Variants in ATP6V1D observed in about 807,000 individuals in gnomAD.
The protein encoded by ATP6V1D is ATPase H+ transporting V1 subunit D.
In ATP6V1D, 20 loss-of-function variants were observed where a neutral mutation model predicts 39.4. That is an observed-to-expected ratio of 0.51 (90% CI 0.36 to 0.74). The LOEUF is 0.74. Ranked by LOEUF, ATP6V1D falls within the 30% of genes least tolerant of loss-of-function variation. The probability of loss-of-function intolerance (pLI) is 0.00; values close to 1 mark genes in which losing one functional copy is unlikely to be tolerated. For synonymous variants in ATP6V1D, 100 were observed against 100.5 expected (o/e 0.99, Z 0.03); for missense variants, 228 against 291.6 (o/e 0.78, Z 1.59).
At chr14:67,354,642 G>A (rs1303484189) in intron 1 of ATP6V1D, among the ~76,000 whole-genome samples, 2 of 152,176 alleles carry the variant, frequency 1.3e-5, no homozygotes, top group Non-Finnish European at 2.9e-5. Context: ...GGCATGTGCT[G>A]TCTATATAAC....
At chr14:67,352,420 T>C (rs1392239264) in intron 2 of ATP6V1D, among the ~76,000 whole-genome samples, 1 of 148,786 alleles carries the variant, frequency 6.7e-6, no homozygotes, top group Non-Finnish European at 1.5e-5. Flanking sequence ...GAGTAAGACC[T>C]TGCCTCAAAA....
At chr14:67,355,950 T>A (rs1049531169) in intron 1 of ATP6V1D, among the ~76,000 whole-genome samples, 2 of 152,100 alleles carry the variant, frequency 1.3e-5, no homozygotes, top group Admixed American at 6.5e-5. Context: ...TGAGCTGTGA[T>A]CATGCCACTG....
At chr14:67,339,330 A>G (rs957385948) in intron 8 of ATP6V1D, among the ~76,000 whole-genome samples, 1 of 152,124 alleles carries the variant, frequency 6.6e-6, no homozygotes, top group Admixed American at 6.6e-5. Context: ...TTTGAAATCC[A>G]TTCTCGAATG....
chr14:67,339,289 G>A (rs1386128064), intron 8 of ATP6V1D, among the ~76,000 whole-genome samples: 1 of 152,080 alleles, frequency 6.6e-6, no homozygotes, highest in African/African-American at 2.4e-5. Context: ...GAGCCACCGA[G>A]CCCAGCCTAG....
chr14:67,355,581 G>C (rs2085680310), intron 1 of ATP6V1D, among the ~76,000 whole-genome samples: 1 of 151,848 alleles, frequency 6.6e-6, no homozygotes, highest in Non-Finnish European at 1.5e-5. Context: ...TTTAGATTGG[G>C]TGATCAGGAA....
chr14:67,345,691 G>T lies in ATP6V1D; in HGVS notation c.456+77C>A. 3.2e-6 allele frequency: 3 copies of T among 923,578 alleles called. No individual in the cohort carries two copies. The South Asian group carries it at 4.2e-5, about 13-fold the overall frequency. 57.2% of individuals were successfully genotyped at this position (923,578 alleles called of 1,614,324 possible). A position where few individuals can be genotyped will look rare whatever the true frequency, so the allele number is the denominator to read the frequency against. On this transcript the variant is annotated intron_variant, in intron 6 of 8. Transcript: ENST00000216442. ...AAAAGTACAAAGCACAGTATATGCTGACTCAAGACCTGACTCTCCTCCACT... is the reference window on the plus strand; with the variant it reads ...AAAAGTACAAAGCACAGTATATGCTTACTCAAGACCTGACTCTCCTCCACT...
Position 67,345,833 on chromosome 14 carries a change from A to G in ATP6V1D, c.391T>C (p.Leu131=). ...LTGLARGGEQ[L]AKLKRNYAKA... Reference sequence around the variant, plus strand: ...GCATAATTCCTCTTTAATTTAGCCAACTGTTCCCCACCTCTGGCTAAACCA... The same window carrying G: ...GCATAATTCCTCTTTAATTTAGCCAGCTGTTCCCCACCTCTGGCTAAACCA... The change falls in exon 6 of 9, where the codon TTG becomes CTG. Residue 131 remains leucine, a synonymous_variant. Transcript: ENST00000216442. 1.9e-6 allele frequency: 3 copies of G among 1,614,104 alleles called. No individual in the cohort carries two copies. The highest frequency in any genetic ancestry group is 2.5e-6 in the Non-Finnish European group (3 of 1,179,982).
At chr14:67,341,604 G>A (rs2085584481) in intron 7 of ATP6V1D, among the ~76,000 whole-genome samples, 1 of 151,820 alleles carries the variant, frequency 6.6e-6, no homozygotes, top group South Asian at 2.1e-4. Flanking sequence ...TGTCCGGGAG[G>A]TGAGGGGCGC....
At chr14:67,345,957 T>C (rs1274767855) in intron 5 of ATP6V1D, 86 bp from the exon 6 acceptor site, 7 of 824,230 alleles carry the variant, frequency 8.5e-6, no homozygotes, top group African/African-American at 5.2e-5. Context: ...TTCAGAATAA[T>C]AACAAATATG....
intron 7 of ATP6V1D, among the ~76,000 whole-genome samples, chr14:67,341,993 C>T (rs970154452): frequency 8.8e-4 from 134 of 151,598 alleles, no homozygotes; most frequent in African/African-American, 3.0e-3. Flanking sequence ...GCAGCATGCT[C>T]GTTAAGAGTC....
chr14:67,357,269 T>C (rs1159230706), intron 1 of ATP6V1D, among the ~76,000 whole-genome samples: 3 of 152,256 alleles, frequency 2.0e-5, no homozygotes, highest in Admixed American at 1.3e-4. Context: ...TTCTAGCCTA[T>C]GGCTTTTAAA....
At chr14:67,359,619 T>C (rs776114651) in intron 1 of ATP6V1D, 39 bp downstream of exon 1, 2 of 1,613,030 alleles carry the variant, frequency 1.2e-6, no homozygotes, top group Admixed American at 1.7e-5. Context: ...TCCGGGTTCC[T>C]AAACCTGTGA....
chr14:67,345,919 C>T (rs1433918892), intron 5 of ATP6V1D, 48 bp from the exon 6 acceptor site: 1 of 1,218,084 alleles, frequency 8.2e-7, no homozygotes, highest in South Asian at 1.3e-5. Flanking sequence ...AAAATATCTT[C>T]CCTATAAAAT....
chr14:67,347,502 C>CTT (rs71129819), intron 4 of ATP6V1D, 49 bp from the exon 5 acceptor site: 90,999 of 1,088,582 alleles, frequency 0.084, 18 homozygotes, highest in Non-Finnish European at 0.097. Flanking sequence ...TAAGTTCTCT[C>CTT]TTTTTTTTTT....
chr14:67,355,276 A>C (rs748162374), intron 1 of ATP6V1D, among the ~76,000 whole-genome samples: 23 of 151,904 alleles, frequency 1.5e-4, no homozygotes, highest in Non-Finnish European at 1.2e-4. Context: ...GACAAGCTAA[A>C]TTTACACTGA....
At chr14:67,342,734 CATAGTTAATATA>C (rs2085594655) in intron 7 of ATP6V1D, among the ~76,000 whole-genome samples, 1 of 150,658 alleles carries the variant, frequency 6.6e-6, no homozygotes, top group African/African-American at 2.4e-5. Flanking sequence ...TCATATTATA[CATAGTTAATATA>C]ATAGTTAATA....
chr14:67,358,467 C>G (rs1294825786), intron 1 of ATP6V1D, among the ~76,000 whole-genome samples: 1 of 152,098 alleles, frequency 6.6e-6, no homozygotes, highest in Non-Finnish European at 1.5e-5. Flanking sequence ...ACAAAACACC[C>G]CCACAGAGAT....
chr14:67,348,417 G>A (rs1256573466), intron 4 of ATP6V1D, among the ~76,000 whole-genome samples: 1 of 151,904 alleles, frequency 6.6e-6, no homozygotes, highest in South Asian at 2.1e-4. Flanking sequence ...ATGTTGGCCA[G>A]GCTGGTCTCG....
intron 7 of ATP6V1D, among the ~76,000 whole-genome samples, chr14:67,342,223 TA>T (rs895869838): frequency 8.6e-5 from 8 of 93,462 alleles, no homozygotes; most frequent in South Asian, 8.8e-4. Context: ...TAAAATAAAA[TA>T]AAAAAAAACA....
Sources: gnomAD v4.1 joint callset for allele counts (sites outside exome capture counted in the v4.1 genomes callset) on GRCh38, gnomAD v4.1.1 for gene constraint, MANE v1.5 for transcripts, NCBI Gene and HGNC (gene_info 2026-07-23, HGNC 2026-07-21) for gene names.